SDK1: variants seen among roughly 807,000 people sequenced by gnomAD.
SDK1 encodes the protein sidekick cell adhesion molecule 1, also known as protein sidekick-1.
A neutral mutation model predicts 245.5 loss-of-function variants in SDK1; 157 were observed. The ratio of observed to expected loss-of-function variants is 0.64; its 90% CI spans 0.56 to 0.73. The LOEUF is 0.73. SDK1 is among the 30% of genes least tolerant of loss of function. SDK1 has a pLI of 0.00. For synonymous variants in SDK1, 1,647 were observed against 1,278.5 expected (o/e 1.29, Z -6.15); for missense variants, 3,583 against 3,002.3 (o/e 1.19, Z -4.52).
At chr7:3,503,929 A>G (rs1413324021) in intron 1 of SDK1, among the ~76,000 whole-genome samples, 3 of 152,150 alleles carry the variant, frequency 2.0e-5, no homozygotes, top group East Asian at 3.9e-4. Context: ...AGGTGGGCGG[A>G]TCACGAGGTC....
intron 4 of SDK1, among the ~76,000 whole-genome samples, chr7:3,766,157 G>A (rs1020472696): frequency 1.3e-5 from 2 of 152,118 alleles, no homozygotes; most frequent in East Asian, 3.8e-4. Flanking sequence ...TGAATTTTTT[G>A]TGCAAAATTT....
At chr7:3,307,843 G>C (rs1439687181) in intron 1 of SDK1, among the ~76,000 whole-genome samples, 1 of 150,720 alleles carries the variant, frequency 6.6e-6, no homozygotes, top group African/African-American at 2.5e-5. Context: ...GATTAGACTA[G>C]ATGTTCAGAA....
intron 37 of SDK1, among the ~76,000 whole-genome samples, chr7:4,208,834 G>C (rs920026656): frequency 6.6e-6 from 1 of 152,192 alleles, no homozygotes; most frequent in Admixed American, 6.5e-5. Context: ...TCATCTCCAC[G>C]CACAGGGCGC....
At chr7:3,959,896 C>T (rs1392512083) in intron 8 of SDK1, among the ~76,000 whole-genome samples, 2 of 152,042 alleles carry the variant, frequency 1.3e-5, no homozygotes, top group Non-Finnish European at 2.9e-5. Flanking sequence ...CCACTGTCAC[C>T]GTCTCATGTC....
chr7:4,143,251 G>C (rs10280386), intron 28 of SDK1, among the ~76,000 whole-genome samples: 2,080 of 152,318 alleles, frequency 0.014, 63 homozygotes, highest in African/African-American at 0.048. Flanking sequence ...CGGGGAATAA[G>C]GTTCCATGGA....
chr7:3,821,414 G>T, intron 4 of SDK1, 36 bp from the exon 5 acceptor site: 2 of 1,589,398 alleles, frequency 1.3e-6, no homozygotes, highest in Non-Finnish European at 1.7e-6. Context: ...GTTCCCTGGA[G>T]TAGCTTTGAC....
chr7:4,127,538 G>A lies in SDK1; in HGVS notation c.3939+42G>A, dbSNP rs1365750878. The A allele has an allele frequency of 4.1e-6, 6 of 1,464,900 alleles. 1 individual carries two copies. In the South Asian group the frequency reaches 5.7e-5, roughly 14 times the overall value. The allele number at this position is 1,464,900 out of a possible 1,614,324, so 90.7% of individuals were successfully genotyped here. On this transcript the variant is annotated intron_variant, in intron 26 of 44. Coordinates refer to ENST00000404826, the MANE Select transcript of SDK1 (RefSeq NM_152744.4). ...TGACCTCCCTTTGCTTAAAGAGTGG[G>A]CTGGGGAAATGGGAGCATGTGCTAT...
rs1007453927 is a variant in SDK1 at position 4,079,401 on chromosome 7, A to G, written c.3203-62A>G. ...TTTACTTTTGAAGCTGACACGTTTGATACCTTTCCTAAGCTGTGACGGACT... is the reference window on the plus strand; with the variant it reads ...TTTACTTTTGAAGCTGACACGTTTGGTACCTTTCCTAAGCTGTGACGGACT... On this transcript the variant is annotated intron_variant, in intron 21 of 44. Transcript: ENST00000404826. 9 of 1,587,220 alleles carry G rather than the reference A, an allele frequency of 5.7e-6. No individual in the cohort carries two copies. The African/African-American group carries it at 9.6e-5, about 17-fold the overall frequency.
chr7:3,323,362 T>C (rs564096923), intron 1 of SDK1, among the ~76,000 whole-genome samples: 1 of 152,234 alleles, frequency 6.6e-6, no homozygotes, highest in Non-Finnish European at 1.5e-5. Flanking sequence ...CGATTGCTGC[T>C]GGTGCCGATT....
chr7:3,318,595 CTT>C (rs1779720637), intron 1 of SDK1, among the ~76,000 whole-genome samples: 1 of 152,168 alleles, frequency 6.6e-6, no homozygotes, highest in Non-Finnish European at 1.5e-5. Flanking sequence ...GACCTTTTGT[CTT>C]ACCTTGGTTG....
At chr7:3,898,022 G>A (rs1031983169) in intron 5 of SDK1, among the ~76,000 whole-genome samples, 3 of 151,804 alleles carry the variant, frequency 2.0e-5, no homozygotes, top group Non-Finnish European at 4.4e-5. Context: ...GGAAGCCGCC[G>A]TGTGCACACA....
At chr7:4,050,822 T>G (rs1789393881) in intron 18 of SDK1, among the ~76,000 whole-genome samples, 2 of 148,586 alleles carry the variant, frequency 1.3e-5, no homozygotes, top group Admixed American at 1.4e-4. Context: ...TAACAGATGG[T>G]TTCATCTTTA....
rs549314181 is a variant in SDK1 at position 4,198,412 on chromosome 7, G to A, written c.5099-7467G>A. Among the ~76,000 whole-genome samples, 205 of 152,300 alleles carry A rather than the reference G, an allele frequency of 1.3e-3. 2 individuals are homozygous for A. The highest frequency in any genetic ancestry group is 4.0e-3 in the African/African-American group (165 of 41,550). On this transcript the variant is annotated intron_variant, in intron 35 of 44. Transcript: ENST00000404826. ...TGCCCCAGGGCTCTTTGCACTTGAC[G>A]CACCAGCTCCCAGTCAAGGCCTCTG... is the stretch of plus-strand genomic sequence containing the variant.
chr7:3,516,184 T>C (rs954879562), intron 1 of SDK1, among the ~76,000 whole-genome samples: 8 of 151,172 alleles, frequency 5.3e-5, no homozygotes, highest in Admixed American at 5.3e-4. Context: ...TACATGCACA[T>C]ACATTTACAC....
intron 35 of SDK1, among the ~76,000 whole-genome samples, chr7:4,186,275 C>T (rs577621012): frequency 1.3e-5 from 2 of 152,254 alleles, no homozygotes; most frequent in South Asian, 4.1e-4. Context: ...CTGGCACAGA[C>T]AAGCATGGCC....
intron 25 of SDK1, among the ~76,000 whole-genome samples, chr7:4,125,607 G>T (rs1784347156): frequency 1.3e-5 from 2 of 152,200 alleles, no homozygotes; most frequent in Admixed American, 6.5e-5. Flanking sequence ...GTGCATGTGT[G>T]CATCCTGCTG....
chr7:3,905,912 C>G (rs543207400), intron 5 of SDK1, among the ~76,000 whole-genome samples: 1 of 152,232 alleles, frequency 6.6e-6, no homozygotes, highest in African/African-American at 2.4e-5. Context: ...GTATGAGCCA[C>G]TGTACCTGGC....
chr7:3,619,155 C>G lies in SDK1; in HGVS notation c.374C>G (p.Thr125Ser). The change falls in exon 2 of 45, where the codon ACC becomes AGC. Residue 125 changes from threonine to serine, a missense_variant. Physicochemically the swap from Thr to Ser is moderately conservative, Grantham distance 58 (BLOSUM62 1). Transcript: ENST00000404826. Reference sequence around the variant, plus strand: ...CTGGAAGGGAACCGCCTTGTTCTCACCTGCCTTGCCGAAGGGAGCTGGCCT... The same window carrying G: ...CTGGAAGGGAACCGCCTTGTTCTCAGCTGCCTTGCCGAAGGGAGCTGGCCT... ...IHLEGNRLVL[T>S]CLAEGSWPLE... 1.2e-6 allele frequency: 2 copies of G among 1,614,022 alleles called. No individual in the cohort carries two copies. Among genetic ancestry groups the G allele is most frequent in the Non-Finnish European group, 1.7e-6 (2 of 1,179,916 alleles).
chr7:3,503,262 A>T (rs762859508), intron 1 of SDK1, among the ~76,000 whole-genome samples: 8 of 152,246 alleles, frequency 5.3e-5, no homozygotes, highest in Non-Finnish European at 1.2e-4. Flanking sequence ...GAATCTCAGC[A>T]TCCCTATTTG....
Sources: gnomAD v4.1 joint callset for allele counts (sites outside exome capture counted in the v4.1 genomes callset) on GRCh38, gnomAD v4.1.1 for gene constraint, MANE v1.5 for transcripts, NCBI Gene and HGNC (gene_info 2026-07-23, HGNC 2026-07-21) for gene names.